The following ANKRD45 variants were observed in gnomAD, a reference collection of about 807,000 sequenced individuals.
The protein encoded by ANKRD45 is ankyrin repeat domain 45.
ANKRD45 carries 21 observed loss-of-function variants against 28.1 expected under a neutral mutation model. That is an observed-to-expected ratio of 0.75 (90% CI 0.53 to 1.08). The LOEUF (loss-of-function observed/expected upper bound fraction) is 1.08. Ranked by LOEUF, ANKRD45 falls within the 50% of genes least tolerant of loss-of-function variation. The pLI is 0.00. For synonymous variants in ANKRD45, 86 were observed against 103.9 expected, an observed-to-expected ratio of 0.83 and a Z score of 1.05; for missense variants, 261 against 308.7, an observed-to-expected ratio of 0.85 and a Z score of 1.16.
At chr1:173,625,834 A>T (rs565123082) in intron 4 of ANKRD45, among the ~76,000 whole-genome samples, 1 of 152,276 alleles carries the variant, frequency 6.6e-6, no homozygotes, top group South Asian at 2.1e-4. Flanking sequence ...ATTATTTTTG[A>T]AACCACATAG....
the ANKRD45 span, among the ~76,000 whole-genome samples, chr1:173,709,972 C>A: frequency 2.6e-5 from 4 of 152,164 alleles, no homozygotes; most frequent in African/African-American, 9.7e-5. Flanking sequence ...TTACCGCAAT[C>A]GTAATTAAAC....
chr1:173,669,020 AT>A (rs1330686976), intron 1 of ANKRD45, among the ~76,000 whole-genome samples: 3 of 152,208 alleles, frequency 2.0e-5, no homozygotes, highest in African/African-American at 7.2e-5. Flanking sequence ...ATAGAATGTG[AT>A]TGCTTTCGAG....
the ANKRD45 span, among the ~76,000 whole-genome samples, chr1:173,711,903 C>G: frequency 6.6e-6 from 1 of 152,136 alleles, no homozygotes; most frequent in East Asian, 1.9e-4. Flanking sequence ...GAGTGAATCA[C>G]AGATATACAA....
At chr1:173,625,067 T>C in intron 4 of ANKRD45, 142 bp from the exon 5 acceptor site, 1 of 774,292 alleles carries the variant, frequency 1.3e-6, no homozygotes, top group Non-Finnish European at 1.9e-6. Context: ...ACAGTAGCCA[T>C]TAGATATAAA....
chr1:173,665,660 A>AC (rs1403283302), intron 1 of ANKRD45, among the ~76,000 whole-genome samples: 2 of 151,934 alleles, frequency 1.3e-5, no homozygotes, highest in African/African-American at 4.8e-5. Context: ...AAAATTGAGA[A>AC]CCCCAGGGAA....
intron 2 of ANKRD45, 80 bp from the exon 3 acceptor site, chr1:173,647,093 G>A (rs1475614156): frequency 1.5e-6 from 2 of 1,373,922 alleles, no homozygotes; most frequent in African/African-American, 2.9e-5. Flanking sequence ...GATCATAATG[G>A]TGATCAAGTA....
chr1:173,688,470 A>C, the ANKRD45 span, among the ~76,000 whole-genome samples: 961 of 33,464 alleles, frequency 0.029, no homozygotes, highest in Middle Eastern at 0.094. Context: ...TCCTCTCTCT[A>C]CCTCTTCCTC....
At chr1:173,623,414 A>AT (rs1366042821) in intron 5 of ANKRD45, among the ~76,000 whole-genome samples, 2 of 152,190 alleles carry the variant, frequency 1.3e-5, no homozygotes, top group Non-Finnish European at 2.9e-5. Context: ...ATGACACACC[A>AT]TCTCATGCCA....
chr1:173,642,813 T>C (rs925761365), intron 3 of ANKRD45, among the ~76,000 whole-genome samples: 17 of 152,206 alleles, frequency 1.1e-4, no homozygotes, highest in African/African-American at 3.9e-4. Flanking sequence ...GCCAATCAGG[T>C]TGAGTACAGA....
At chr1:173,669,642 G>T (rs1670177707) in intron 1 of ANKRD45, among the ~76,000 whole-genome samples, 175 bp downstream of exon 1, 1 of 152,186 alleles carries the variant, frequency 6.6e-6, no homozygotes, top group Admixed American at 6.5e-5. Flanking sequence ...GCTGCCGGCG[G>T]GGTAGGAGAC....
intron 2 of ANKRD45, 111 bp from the exon 3 acceptor site, chr1:173,647,124 A>T: frequency 9.5e-7 from 1 of 1,050,322 alleles, no homozygotes; most frequent in Non-Finnish European, 1.4e-6. Context: ...ACTGTGGGCC[A>T]GGCACTATTC....
chr1:173,633,485 A>AAAAAT (rs1668283471), intron 3 of ANKRD45, among the ~76,000 whole-genome samples: 1 of 145,128 alleles, frequency 6.9e-6, no homozygotes, highest in Admixed American at 6.9e-5. Flanking sequence ...CAGAAATAGA[A>AAAAAT]AAAACAATAC....
intron 1 of ANKRD45, among the ~76,000 whole-genome samples, chr1:173,661,210 G>A (rs1439784793): frequency 6.6e-6 from 1 of 152,088 alleles, no homozygotes; most frequent in Non-Finnish European, 1.5e-5. Flanking sequence ...AAGGGTAGTG[G>A]GAGAAGACAA....
the ANKRD45 span, among the ~76,000 whole-genome samples, chr1:173,703,425 C>T: frequency 2.6e-5 from 4 of 151,934 alleles, no homozygotes; most frequent in African/African-American, 4.8e-5. Flanking sequence ...AGGCTGGTCT[C>T]GAACTCCTGA....
intron 2 of ANKRD45, among the ~76,000 whole-genome samples, chr1:173,654,064 G>T (rs1225037258): frequency 6.6e-6 from 1 of 151,052 alleles, no homozygotes; most frequent in Non-Finnish European, 1.5e-5. Flanking sequence ...TATCCAATTT[G>T]CCAGTCAGTG....
intron 3 of ANKRD45, among the ~76,000 whole-genome samples, 188 bp from the exon 4 acceptor site, chr1:173,627,347 T>C (rs536535773): frequency 6.6e-6 from 1 of 152,162 alleles, no homozygotes; most frequent in South Asian, 2.1e-4. Flanking sequence ...CCTTTTAACA[T>C]CATATTAAGG....
intron 3 of ANKRD45, among the ~76,000 whole-genome samples, chr1:173,639,629 TA>T (rs1668616539): frequency 1.3e-5 from 2 of 152,246 alleles, no homozygotes; most frequent in East Asian, 3.9e-4. Flanking sequence ...TCTAAAATGT[TA>T]AGAAAACCAA....
At chr1:173,682,275 TAAAC>T in the ANKRD45 span, among the ~76,000 whole-genome samples, 1 of 152,124 alleles carries the variant, frequency 6.6e-6, no homozygotes, top group African/African-American at 2.4e-5. Context: ...AAATTTTTTT[TAAAC>T]AAAGACATTT....
At position 173,617,272 on chromosome 1, in the gene ANKRD45, T is replaced by C. The variant is rs779415723; in HGVS notation, c.731-7057A>G. ...GAATCCAGAGAGCCAAGCAGTGTCATTTTGTGGGCCCCACTTCCACGGCAC... is the reference window on the plus strand; with the variant it reads ...GAATCCAGAGAGCCAAGCAGTGTCACTTTGTGGGCCCCACTTCCACGGCAC... On this transcript the variant is annotated intron_variant, in intron 5 of 5. Transcript: ENST00000333279. Among the ~76,000 whole-genome samples, 4 of 152,254 alleles carry C rather than the reference T, an allele frequency of 2.6e-5. No homozygotes were observed. The East Asian group carries it at 7.7e-4, about 29-fold the overall frequency.
Sources: allele counts gnomAD v4.1 joint callset (sites outside exome capture counted in the v4.1 genomes callset), GRCh38; gene constraint gnomAD v4.1.1; transcripts MANE v1.5; gene names NCBI Gene and HGNC (gene_info 2026-07-23, HGNC 2026-07-21).